MROH7: variants seen among roughly 807,000 people sequenced by gnomAD.
The protein encoded by MROH7 is maestro heat-like repeat-containing protein family member 7.
A neutral mutation model predicts 129.2 loss-of-function variants in MROH7; 113 were observed. The observed-to-expected ratio is 0.87, with a 90% CI of 0.75 to 1.02. The LOEUF is 1.02. Among genes scored for constraint, MROH7 ranks in the 50% least tolerant of loss-of-function variants. The pLI, the probability that MROH7 is intolerant of heterozygous loss-of-function variation, is 0.00. For missense variants in MROH7, 1,601 were observed against 1,671.3 expected (o/e 0.96, Z 0.73); for synonymous variants, 655 against 667.9 (o/e 0.98, Z 0.30).
At chr1:54,709,117 G>GA in intron 23 of MROH7, 41 bp downstream of exon 23, 1 of 1,585,656 alleles carries the variant, frequency 6.3e-7, no homozygotes, top group South Asian at 1.1e-5. Context: ...AGGGGACAGT[G>GA]AGACAGTGAG....
chr1:54,663,700 A>AC (rs1644768219), intron 3 of MROH7: 64 of 307,730 alleles, frequency 2.1e-4, no homozygotes, highest in East Asian at 3.7e-4. Context: ...AAAAAAAAAA[A>AC]ACAAAAAAAA....
chr1:54,677,278 A>G (rs1043081428), intron 10 of MROH7, among the ~76,000 whole-genome samples: 1 of 152,196 alleles, frequency 6.6e-6, no homozygotes, highest in Non-Finnish European at 1.5e-5. Context: ...GCATGCCTAT[A>G]GTCCCCACTA....
chr1:54,699,821 A>G, intron 17 of MROH7: 1 of 405,984 alleles, frequency 2.5e-6, no homozygotes, highest in Non-Finnish European at 4.4e-6. Context: ...CCAGGGAAGG[A>G]GGCAGTCAGC....
chr1:54,643,623 C>T (rs531442601), intron 1 of MROH7, among the ~76,000 whole-genome samples: 56 of 152,250 alleles, frequency 3.7e-4, no homozygotes, highest in African/African-American at 1.3e-3. Flanking sequence ...TGGATCCCTT[C>T]AGAACTACAA....
intron 1 of MROH7, among the ~76,000 whole-genome samples, chr1:54,643,868 C>T (rs1024948638): frequency 2.0e-5 from 3 of 152,160 alleles, no homozygotes; most frequent in African/African-American, 7.2e-5. Flanking sequence ...TCTTTCAACT[C>T]TTGAAAAATA....
At chr1:54,699,169 T>G (rs1398207271) in intron 17 of MROH7, 8,708 of 114,392 alleles carry the variant, frequency 0.076, 654 homozygotes, top group Non-Finnish European at 0.092. Context: ...TTTTCTTTCT[T>G]TCTTTCTTTC....
At chr1:54,700,878 A>C (rs1300215058) in intron 18 of MROH7, among the ~76,000 whole-genome samples, 1 of 152,256 alleles carries the variant, frequency 6.6e-6, no homozygotes, top group Non-Finnish European at 1.5e-5. Context: ...CTAACAACAC[A>C]GCGTGTCATC....
chr1:54,699,764 A>G, intron 17 of MROH7: 1 of 316,730 alleles, frequency 3.2e-6, no homozygotes, highest in Non-Finnish European at 5.8e-6. Flanking sequence ...GAGGCACTGA[A>G]GGTTTCCAGC....
At chr1:54,689,650 G>A (rs567720714) in intron 15 of MROH7, among the ~76,000 whole-genome samples, 3 of 152,186 alleles carry the variant, frequency 2.0e-5, no homozygotes, top group South Asian at 4.1e-4. Flanking sequence ...TGGCCTGAGA[G>A]CTTGTCCTGT....
In MROH7 at chr1:54,654,104, C is replaced by T; in HGVS notation, c.1178C>T (p.Pro393Leu). The T allele has an allele frequency of 6.2e-7, 1 of 1,613,850 alleles. No individual in the cohort carries two copies. Residue 393 changes from proline to leucine, a missense_variant, in exon 3 of 24, where the codon CCC (proline) becomes CTC (leucine). Pro to Leu is a moderately conservative substitution (Grantham distance 98, BLOSUM62 -3). Transcript: ENST00000421030. Reference protein sequence around the residue: ...IKVGQFPLGFPISNPAGKDAV... With the variant: ...IKVGQFPLGFLISNPAGKDAV... ...GTGGGCCAGTTCCCGCTGGGATTCC[C>T]CATCTCCAACCCCGCAGGCAAGGAC...
chr1:54,688,002 T>C (rs1214371862), intron 15 of MROH7, among the ~76,000 whole-genome samples: 2 of 149,324 alleles, frequency 1.3e-5, no homozygotes, highest in Non-Finnish European at 3.0e-5. Flanking sequence ...ACTTCATCGC[T>C]TGAAGTCAGG....
chr1:54,643,218 TG>T (rs1226369627), intron 1 of MROH7, among the ~76,000 whole-genome samples: 1 of 152,154 alleles, frequency 6.6e-6, no homozygotes, highest in East Asian at 1.9e-4. Context: ...GAAGACTTCC[TG>T]GGGGAAGGGA....
At chr1:54,680,155 G>A in intron 13 of MROH7, 110 bp downstream of exon 13, 1 of 974,364 alleles carries the variant, frequency 1.0e-6, no homozygotes, top group Non-Finnish European at 1.6e-6. Context: ...CTCCCAGATG[G>A]CCCCCCTTCT....
At chr1:54,682,539 G>A (rs997598453) in intron 13 of MROH7, 117 bp from the exon 14 acceptor site, 5 of 949,386 alleles carry the variant, frequency 5.3e-6, no homozygotes, top group South Asian at 1.6e-5. Context: ...CCTTGCAGGT[G>A]TGCCCATGGA....
At chr1:54,687,328 G>A (rs559500934) in intron 15 of MROH7, among the ~76,000 whole-genome samples, 26 of 152,320 alleles carry the variant, frequency 1.7e-4, no homozygotes, top group African/African-American at 5.8e-4. Context: ...ACCCGCCTCA[G>A]CCTCCCAAAG....
In MROH7 at chr1:54,703,620, C is replaced by A. The variant is rs1418761475; in HGVS notation, c.3564+875C>A. Among the ~76,000 whole-genome samples the A allele has an allele frequency of 1.3e-5, 2 of 152,078 alleles. No homozygotes were observed. The highest frequency in any genetic ancestry group is 2.9e-5 in the Non-Finnish European group (2 of 68,010). On this transcript the variant is annotated intron_variant, in intron 21 of 23. Coordinates refer to ENST00000421030, the MANE Select transcript of MROH7 (RefSeq NM_001039464.4). The surrounding 1 kb of genome is among the most constrained non-coding windows in gnomAD (Gnocchi z 4.4). ...ACCTGTGAACATCATGAGGTAGGAGCAAGCCGCGTGCATGTGCGCGCGCGC... is the reference window on the plus strand; with the variant it reads ...ACCTGTGAACATCATGAGGTAGGAGAAAGCCGCGTGCATGTGCGCGCGCGC...
In MROH7 at chr1:54,706,493, A is replaced by C. The variant is rs1645536147; in HGVS notation, c.3623A>C (p.Lys1208Thr). The C allele has an allele frequency of 3.7e-6, 6 of 1,613,170 alleles. No homozygotes were observed. Among genetic ancestry groups the C allele is most frequent in the Non-Finnish European group, 4.2e-6 (5 of 1,179,928 alleles). ...CTCAGCCAGAGCCTGGAGTATGCCAAGAACTCACGGGCCTCCCTCCGGAAG... is the reference window on the plus strand; with the variant it reads ...CTCAGCCAGAGCCTGGAGTATGCCACGAACTCACGGGCCTCCCTCCGGAAG... ...IFLSQSLEYA[K>T]NSRASLRKCS... is the part of the protein sequence containing the mutation. Residue 1208 changes from lysine to threonine, a missense_variant, in exon 22 of 24, where the codon AAG becomes ACG. Transcript: ENST00000421030.
intron 1 of MROH7, among the ~76,000 whole-genome samples, chr1:54,643,345 G>T (rs1437918494): frequency 6.6e-6 from 1 of 152,170 alleles, no homozygotes; most frequent in Admixed American, 6.6e-5. Context: ...AAGAGTATTT[G>T]CAAAGGTCCC....
intron 3 of MROH7, among the ~76,000 whole-genome samples, chr1:54,656,484 A>G: frequency 7.5e-6 from 1 of 133,272 alleles, no homozygotes; most frequent in East Asian, 2.4e-4. Flanking sequence ...CACTCCAGCC[A>G]GGGAGACAGA....
Sources: allele counts gnomAD v4.1 joint callset (sites outside exome capture counted in the v4.1 genomes callset), GRCh38; gene constraint gnomAD v4.1.1; non-coding constraint Gnocchi (gnomAD v3.1); transcripts MANE v1.5; gene names NCBI Gene and HGNC (gene_info 2026-07-23, HGNC 2026-07-21).